Variants in CHD7 observed in about 807,000 individuals in gnomAD.
CHD7 encodes the protein ATP-dependent chromatin remodeler CHD7.
A neutral mutation model predicts 307.3 loss-of-function variants in CHD7; 24 were observed. The ratio of observed to expected loss-of-function variants is 0.08; its 90% CI spans 0.06 to 0.11. CHD7 has a LOEUF of 0.11. Ranked by LOEUF, CHD7 falls within the 10% of genes least tolerant of loss-of-function variation. The pLI is 1.00. For synonymous variants in CHD7, 1,363 were observed against 1,349.9 expected (o/e 1.01, Z -0.21); for missense variants, 3,106 against 3,727.1 (o/e 0.83, Z 4.34).
intron 15 of CHD7, among the ~76,000 whole-genome samples, chr8:60,832,569 G>A (rs1056803583): frequency 2.6e-5 from 4 of 152,104 alleles, no homozygotes; most frequent in African/African-American, 7.2e-5. Context: ...TTAATAGCTG[G>A]TACAAAAGAA....
intron 1 of CHD7, among the ~76,000 whole-genome samples, chr8:60,696,070 A>T (rs1447157666): frequency 6.6e-6 from 1 of 152,362 alleles, no homozygotes; most frequent in African/African-American, 2.4e-5. Flanking sequence ...TGCTGTAGTC[A>T]TGTTAGAATA....
Position 60,741,561 on chromosome 8 carries a change from A to C in CHD7, c.129A>C (p.Ile43=). 6.2e-7 allele frequency: 1 copy of C among 1,613,690 alleles called. No homozygotes were observed. The highest frequency in any genetic ancestry group is 8.5e-7 in the Non-Finnish European group (1 of 1,179,740). The part of the protein sequence containing the change: ...PVNPMGQQMP[I]DQGFASLQPS... ...ATCCTATGGGTCAGCAAATGCCAAT[A>C]GACCAAGGCTTTGCCTCTTTACAGC... The change falls in exon 2 of 38, where the codon ATA becomes ATC. Residue 43 remains isoleucine, a synonymous_variant. Coordinates refer to ENST00000423902, the MANE Select transcript of CHD7 (RefSeq NM_017780.4).
chr8:60,695,514 C>G (rs1490494263), intron 1 of CHD7, among the ~76,000 whole-genome samples: 1 of 152,192 alleles, frequency 6.6e-6, no homozygotes, highest in African/African-American at 2.4e-5. Flanking sequence ...TCTTAGCATA[C>G]TTGACCTTTC....
chr8:60,720,885 C>T (rs1304417737), intron 1 of CHD7, among the ~76,000 whole-genome samples: 1 of 152,244 alleles, frequency 6.6e-6, no homozygotes, highest in Non-Finnish European at 1.5e-5. Flanking sequence ...TCAGCAGCAG[C>T]ACCTGTGTGG....
chr8:60,761,632 T>C (rs1810212978), intron 2 of CHD7, among the ~76,000 whole-genome samples: 1 of 151,846 alleles, frequency 6.6e-6, no homozygotes, highest in South Asian at 2.1e-4. Flanking sequence ...CTGAGGTTTA[T>C]CTAGGATGTT....
rs794727294 is a variant in CHD7 at position 60,741,704 on chromosome 8, G to A, written c.272G>A (p.Ser91Asn). ...HLMDQPNRMMSNTPGNGLASP... is the reference protein window; with the variant it reads ...HLMDQPNRMMNNTPGNGLASP... ...ATGGATCAGCCGAACAGAATGATGAGCAACACCCCTGGGAACGGACTCGCG... is the reference window on the plus strand; with the variant it reads ...ATGGATCAGCCGAACAGAATGATGAACAACACCCCTGGGAACGGACTCGCG... The change falls in exon 2 of 38, where the codon AGC becomes AAC. Residue 91 changes from serine (S) to asparagine (N), a missense_variant. Ser to Asn is a conservative substitution (Grantham distance 46). Around this residue, in one of 10 missense-constraint regions of CHD7, gnomAD observed 998 missense variants for 1,004.5 expected, o/e 0.99. Transcript: ENST00000423902. The A allele has an allele frequency of 1.2e-6, 2 of 1,613,852 alleles. No individual in the cohort carries two copies. Among genetic ancestry groups the A allele is most frequent in the African/African-American group, 2.7e-5 (2 of 74,922 alleles).
Position 60,800,448 on chromosome 8 carries a change from A to G in CHD7, c.2299A>G (p.Ile767Val). ...CTACACTGAAGACCTGGAGTTCAAG[A>G]TTTCTGATGAGGAGGCAGATGATGC... ...KRYTEDLEFK[I>V]SDEEADDADA... Residue 767 changes from isoleucine to valine, a missense_variant, in exon 5 of 38, where the codon ATT becomes GTT. Physicochemically the swap from Ile to Val is conservative, Grantham distance 29. This residue lies in a region of CHD7 where 998 missense variants were observed against 1,004.5 expected (regional missense o/e 0.99). Transcript: ENST00000423902. The G allele has an allele frequency of 6.2e-7, 1 of 1,613,886 alleles. No homozygotes were observed. The highest frequency in any genetic ancestry group is 1.6e-4 in the Middle Eastern group (1 of 6,062).
intron 2 of CHD7, among the ~76,000 whole-genome samples, chr8:60,769,004 G>C (rs1810593390): frequency 6.6e-6 from 1 of 152,168 alleles, no homozygotes; most frequent in Non-Finnish European, 1.5e-5. Flanking sequence ...AAGATATTCT[G>C]TCATAAGTCA....
At chr8:60,798,304 C>A (rs1189334059) in intron 4 of CHD7, among the ~76,000 whole-genome samples, 1 of 152,180 alleles carries the variant, frequency 6.6e-6, no homozygotes, top group African/African-American at 2.4e-5. Context: ...TCACTACTCC[C>A]TCCATGTAAG....
chr8:60,742,994 C>T lies in CHD7; in HGVS notation c.1562C>T (p.Pro521Leu), dbSNP rs373211059. ...LPTCPPLQPH[P>L]GLHHQSSPPH... Reference sequence around the variant, plus strand: ...ACCTGTCCTCCACTGCAGCCTCACCCGGGCTTGCACCACCAGTCTTCACCT... The same window carrying T: ...ACCTGTCCTCCACTGCAGCCTCACCTGGGCTTGCACCACCAGTCTTCACCT... Residue 521 changes from proline (P) to leucine (L), a missense_variant, in exon 2 of 38, where the codon CCG (proline) becomes CTG (leucine). Pro to Leu is a moderately conservative substitution (Grantham distance 98). This residue lies in a region of CHD7 where 998 missense variants were observed against 1,004.5 expected (regional missense o/e 0.99). Coordinates refer to ENST00000423902, the MANE Select transcript of CHD7 (RefSeq NM_017780.4). The T allele has an allele frequency of 3.8e-5, 61 of 1,613,740 alleles. No individual in the cohort carries two copies. The highest frequency in any genetic ancestry group is 5.3e-5 in the African/African-American group (4 of 75,006).
At chr8:60,860,015 G>A (rs766462572) in intron 34 of CHD7, among the ~76,000 whole-genome samples, 3 of 150,006 alleles carry the variant, frequency 2.0e-5, no homozygotes, top group African/African-American at 5.1e-5. Context: ...ACCTGGGTGG[G>A]AAGTGACAAA....
At chr8:60,797,398 A>T (rs983110828) in intron 4 of CHD7, among the ~76,000 whole-genome samples, 21 of 152,312 alleles carry the variant, frequency 1.4e-4, no homozygotes, top group African/African-American at 4.8e-4. Context: ...TGATATCAGG[A>T]GGAACTTACA....
At chr8:60,805,960 T>C (rs1244671517) in intron 6 of CHD7, among the ~76,000 whole-genome samples, 1 of 152,198 alleles carries the variant, frequency 6.6e-6, no homozygotes, top group East Asian at 1.9e-4. Context: ...GATAATGCTG[T>C]GTGAAGAATC....
At chr8:60,717,864 C>T (rs1018911056) in intron 1 of CHD7, among the ~76,000 whole-genome samples, 1 of 152,180 alleles carries the variant, frequency 6.6e-6, no homozygotes, top group Non-Finnish European at 1.5e-5. Context: ...ATGCACAATA[C>T]ATAATATTTG....
chr8:60,821,540 A>G lies in CHD7; in HGVS notation c.2698-250A>G, dbSNP rs1049777590. On this transcript the variant is annotated intron_variant, in intron 9 of 37. Transcript: ENST00000423902. Reference sequence around the variant, plus strand: ...TATGTAAATATACATGTATATGTATATATGTATATATATAAGCATGTATAT... The same window carrying G: ...TATGTAAATATACATGTATATGTATGTATGTATATATATAAGCATGTATAT... Among the ~76,000 whole-genome samples the G allele has an allele frequency of 4.6e-5, 7 of 151,228 alleles. No homozygotes were observed. The East Asian group carries it at 1.4e-3, about 29-fold the overall frequency.
In CHD7 at chr8:60,853,340, G is replaced by A. The variant is rs777271566; in HGVS notation, c.6615G>A (p.Gln2205=). The change falls in exon 31 of 38, where the codon CAG becomes CAA. Residue 2205 remains glutamine (Q), a synonymous_variant. Transcript: ENST00000423902. ...ETDGSGKESK[Q]ECEAEASSVK... ...ATGGCAGCGGGAAGGAGAGCAAGCA[G>A]GAATGTGAGGCAGAGGCCAGCTCTG... The A allele has an allele frequency of 6.3e-7, 1 of 1,590,542 alleles. No homozygotes were observed.
chr8:60,779,029 C>G (rs1436513043), intron 2 of CHD7, among the ~76,000 whole-genome samples: 1 of 152,164 alleles, frequency 6.6e-6, no homozygotes, highest in Non-Finnish European at 1.5e-5. Flanking sequence ...TTTGACCTTG[C>G]CTCTGTGTTT....
At chr8:60,737,869 A>G (rs1226290866) in intron 1 of CHD7, among the ~76,000 whole-genome samples, 2 of 152,246 alleles carry the variant, frequency 1.3e-5, no homozygotes, top group African/African-American at 2.4e-5. Flanking sequence ...ATTTACAGAT[A>G]TATAAGCTCC....
intron 2 of CHD7, among the ~76,000 whole-genome samples, chr8:60,747,701 C>G (rs940862707): frequency 6.6e-6 from 1 of 152,174 alleles, no homozygotes; most frequent in Non-Finnish European, 1.5e-5. Context: ...TACAGAAACC[C>G]TGGCCCACAA....
Sources: allele counts gnomAD v4.1 joint callset (sites outside exome capture counted in the v4.1 genomes callset), GRCh38; gene constraint gnomAD v4.1.1; regional missense constraint gnomAD v4.1.1; transcripts MANE v1.5; gene names NCBI Gene and HGNC (gene_info 2026-07-23, HGNC 2026-07-21).